Variants in NAPEPLD observed in about 807,000 individuals in gnomAD.
NAPEPLD encodes N-acyl-phosphatidylethanolamine-hydrolyzing phospholipase D.
A neutral mutation model predicts 38.1 loss-of-function variants in NAPEPLD; 23 were observed. The ratio of observed to expected loss-of-function variants is 0.60; its 90% CI spans 0.43 to 0.86. NAPEPLD has a LOEUF of 0.86. NAPEPLD is among the 40% of genes least tolerant of loss of function. The probability of loss-of-function intolerance (pLI) is 0.00; values close to 1 mark genes in which losing one functional copy is unlikely to be tolerated. For missense variants in NAPEPLD, 411 were observed against 476.8 expected (o/e 0.86, Z 1.28); for synonymous variants, 147 against 162.0 (o/e 0.91, Z 0.71).
chr7:103,103,371 A>C lies in NAPEPLD; in HGVS notation c.*58T>G. On this transcript the variant is annotated 3_prime_UTR_variant, in exon 5 of 5. Transcript: ENST00000465647. Reference sequence around the variant, plus strand: ...TATTCATGAATTTCTAAGTCTTTTCATTTGTTTTTAAACTTAGATGATGCC... The same window carrying C: ...TATTCATGAATTTCTAAGTCTTTTCCTTTGTTTTTAAACTTAGATGATGCC... 6.7e-7 allele frequency: 1 copy of C among 1,495,066 alleles called. No individual in the cohort carries two copies. Among genetic ancestry groups the C allele is most frequent in the South Asian group, 1.3e-5 (1 of 75,920 alleles). 92.6% of individuals were successfully genotyped at this position (1,495,066 alleles called of 1,614,324 possible).
At chr7:103,127,698 T>C (rs1386804228) in intron 2 of NAPEPLD, 2 of 151,942 alleles carry the variant, frequency 1.3e-5, no homozygotes, top group African/African-American at 4.8e-5. Context: ...GAAATAATTG[T>C]CATAAATACA....
chr7:103,141,976 T>C, intron 1 of NAPEPLD: 1 of 732,862 alleles, frequency 1.4e-6, no homozygotes, highest in Non-Finnish European at 2.4e-6. Flanking sequence ...AGAGCTCCCC[T>C]GTGGAGCTTT....
intron 1 of NAPEPLD, among the ~76,000 whole-genome samples, chr7:103,143,077 A>C (rs866600115): frequency 1.3e-3 from 57 of 45,372 alleles, no homozygotes; most frequent in Non-Finnish European, 4.4e-3. Flanking sequence ...AAAAACAAAA[A>C]AACAAAAAAA....
At chr7:103,124,460 G>GA (rs1046768187) in intron 2 of NAPEPLD, among the ~76,000 whole-genome samples, 58 of 145,300 alleles carry the variant, frequency 4.0e-4, no homozygotes, top group African/African-American at 1.1e-3. Flanking sequence ...CTCCGTCTTA[G>GA]AAAAAAAAAA....
At chr7:103,149,551 G>T (rs1684351534), upstream of NAPEPLD, 2 of 1,204,814 alleles carry the variant, frequency 1.7e-6, no homozygotes, top group African/African-American at 1.6e-5. Flanking sequence ...GGCCAGCGGT[G>T]GCCTCCTTCA....
At chr7:103,111,887 AC>A (rs1485324931) in intron 4 of NAPEPLD, among the ~76,000 whole-genome samples, 4 of 152,174 alleles carry the variant, frequency 2.6e-5, no homozygotes, top group African/African-American at 9.7e-5. Flanking sequence ...ACAAAAATCT[AC>A]AAAGAACTTA....
chr7:103,107,509 G>A (rs1447059771), intron 4 of NAPEPLD, among the ~76,000 whole-genome samples: 1 of 151,984 alleles, frequency 6.6e-6, no homozygotes, highest in African/African-American at 2.4e-5. Flanking sequence ...CTTGAAAAAA[G>A]GTTAGACAAA....
chr7:103,135,543 C>T (rs1471960645), intron 1 of NAPEPLD, among the ~76,000 whole-genome samples: 1 of 152,162 alleles, frequency 6.6e-6, no homozygotes, highest in Non-Finnish European at 1.5e-5. Flanking sequence ...AAGTATTGCA[C>T]TGTTATCACT....
chr7:103,138,769 CT>C (rs1810614264), intron 1 of NAPEPLD, among the ~76,000 whole-genome samples: 1 of 152,232 alleles, frequency 6.6e-6, no homozygotes, highest in Admixed American at 6.5e-5. Context: ...CACACCCAGC[CT>C]TCTGTAGCCT....
intron 4 of NAPEPLD, among the ~76,000 whole-genome samples, chr7:103,110,148 G>A (rs1804221192): frequency 6.6e-6 from 1 of 152,120 alleles, no homozygotes; most frequent in Non-Finnish European, 1.5e-5. Flanking sequence ...GTACAAAGAG[G>A]AGCTGGTACC....
At chr7:103,124,353 G>C (rs1023811926) in intron 2 of NAPEPLD, among the ~76,000 whole-genome samples, 1 of 152,054 alleles carries the variant, frequency 6.6e-6, no homozygotes, top group African/African-American at 2.4e-5. Context: ...AGCTACTCGG[G>C]AGGCTGAGGC....
intron 1 of NAPEPLD, among the ~76,000 whole-genome samples, chr7:103,132,602 AAAATAAAT>A (rs1308043691): frequency 6.6e-6 from 1 of 151,846 alleles, no homozygotes; most frequent in East Asian, 1.9e-4. Context: ...TTTAGGGGTA[AAAATAAAT>A]AAATAAATAA....
intron 4 of NAPEPLD, among the ~76,000 whole-genome samples, chr7:103,103,822 T>C (rs902433284): frequency 2.6e-5 from 4 of 152,058 alleles, no homozygotes; most frequent in Non-Finnish European, 5.9e-5. Context: ...CATCACTGGA[T>C]TGCATGAAAT....
chr7:103,115,197 T>C (rs760964392), intron 3 of NAPEPLD, 23 bp from the exon 4 acceptor site: 11 of 1,555,928 alleles, frequency 7.1e-6, no homozygotes, highest in Non-Finnish European at 9.7e-6. Flanking sequence ...GGCAATTTCT[T>C]AATTCTGACC....
At chr7:103,142,460 G>T (rs1414822457) in intron 1 of NAPEPLD, among the ~76,000 whole-genome samples, 2 of 152,128 alleles carry the variant, frequency 1.3e-5, no homozygotes, top group Non-Finnish European at 1.5e-5. Context: ...ACAAAAAATA[G>T]CCAGGCATGG....
chr7:103,106,363 TC>T (rs1803349888), intron 4 of NAPEPLD, among the ~76,000 whole-genome samples: 1 of 151,794 alleles, frequency 6.6e-6, no homozygotes, highest in Admixed American at 6.6e-5. Context: ...TTTTTTTTTT[TC>T]ATACCCCAGT....
intron 2 of NAPEPLD, among the ~76,000 whole-genome samples, chr7:103,123,806 C>T (rs1256267228): frequency 1.3e-5 from 2 of 152,096 alleles, no homozygotes; most frequent in African/African-American, 4.8e-5. Context: ...AACATGTTTT[C>T]GTAAAAAGTA....
At chr7:103,119,435 G>A in intron 3 of NAPEPLD, 142 bp downstream of exon 3, 1 of 674,452 alleles carries the variant, frequency 1.5e-6, no homozygotes, top group Non-Finnish European at 2.2e-6. Flanking sequence ...AATTGAATCT[G>A]ACCTACCAAC....
chr7:103,148,492 A>AC (rs1270232843), intron 1 of NAPEPLD, among the ~76,000 whole-genome samples: 1 of 151,442 alleles, frequency 6.6e-6, no homozygotes, highest in African/African-American at 2.4e-5. Flanking sequence ...AAACAAAACA[A>AC]CAACAACAAA....
Sources: allele counts gnomAD v4.1 joint callset (sites outside exome capture counted in the v4.1 genomes callset), GRCh38; gene constraint gnomAD v4.1.1; transcripts MANE v1.5; gene names NCBI Gene and HGNC (gene_info 2026-07-23, HGNC 2026-07-21).